Variants in WWOX observed in about 807,000 individuals in gnomAD.
WWOX encodes the protein WW domain-containing oxidoreductase.
Under a neutral mutation model 46.2 loss-of-function variants are expected in WWOX, and 69 were observed. That is an observed-to-expected ratio of 1.49 (90% CI 1.23 to 1.82). The LOEUF (loss-of-function observed/expected upper bound fraction) is 1.82. Among genes scored for constraint, WWOX ranks in the 40% most tolerant of loss-of-function variants. WWOX has a pLI of 0.00. For missense variants in WWOX, 919 were observed against 542.6 expected (o/e 1.69, Z -6.89); for synonymous variants, 359 against 202.6 (o/e 1.77, Z -6.56).
intron 8 of WWOX, among the ~76,000 whole-genome samples, chr16:78,905,049 C>A (rs2044926497): frequency 1.3e-5 from 2 of 152,124 alleles, no homozygotes; most frequent in Admixed American, 1.3e-4. Flanking sequence ...TTCATGCTTT[C>A]AGCTAGAAAT....
At chr16:79,144,796 T>C (rs2050154276) in intron 8 of WWOX, among the ~76,000 whole-genome samples, 1 of 152,184 alleles carries the variant, frequency 6.6e-6, no homozygotes, top group African/African-American at 2.4e-5. Flanking sequence ...TTACTTACAA[T>C]ATGATATTTT....
intron 8 of WWOX, among the ~76,000 whole-genome samples, chr16:79,178,919 T>A (rs1185781027): frequency 6.6e-6 from 1 of 152,240 alleles, no homozygotes; most frequent in Non-Finnish European, 1.5e-5. Flanking sequence ...GTTAGAAGAC[T>A]GAGTATTATA....
At chr16:78,427,547 C>A (rs375090633) in intron 7 of WWOX, among the ~76,000 whole-genome samples, 152 of 152,124 alleles carry the variant, frequency 1.0e-3, no homozygotes, top group African/African-American at 3.4e-3. Flanking sequence ...CGCACGCACA[C>A]ACACACACAC....
At chr16:78,693,706 C>A (rs1487566422) in intron 8 of WWOX, among the ~76,000 whole-genome samples, 1 of 152,076 alleles carries the variant, frequency 6.6e-6, no homozygotes, top group Non-Finnish European at 1.5e-5. Flanking sequence ...TGCTACTAAT[C>A]GCCCTCTATT....
chr16:79,102,130 A>G (rs2150633461), intron 8 of WWOX, among the ~76,000 whole-genome samples: 1 of 151,338 alleles, frequency 6.6e-6, no homozygotes, highest in South Asian at 2.1e-4. Flanking sequence ...CGGAAGCAAA[A>G]CAATGTACTG....
At chr16:78,726,939 G>A (rs1360325543) in intron 8 of WWOX, among the ~76,000 whole-genome samples, 2 of 152,132 alleles carry the variant, frequency 1.3e-5, no homozygotes. Flanking sequence ...AGGGCTGTCT[G>A]CACAGTGCTG....
In WWOX at chr16:78,424,922, C is replaced by A. The variant is rs770774574; in HGVS notation, c.658C>A (p.Leu220Ile). 6.2e-7 allele frequency: 1 copy of A among 1,614,174 alleles called. No homozygotes were observed. Among genetic ancestry groups the A allele is most frequent in the East Asian group, 2.2e-5 (1 of 44,868 alleles). The change falls in exon 7 of 9, where the codon CTC becomes ATC. Residue 220 changes from leucine (L) to isoleucine (I), a missense_variant. By Grantham distance (5) the Leu-to-Ile change is conservative (BLOSUM62 2). Transcript: ENST00000566780. ...AGCAACTTTTGCTCTACCCTGGAGT[C>A]TCACCAAAGATGGCCTGGAGACCAC... ...NAATFALPWS[L>I]TKDGLETTFQ... is the part of the protein sequence containing the mutation.
chr16:78,963,245 G>A (rs542249196), intron 8 of WWOX, among the ~76,000 whole-genome samples: 1 of 152,270 alleles, frequency 6.6e-6, no homozygotes, highest in East Asian at 1.9e-4. Context: ...GAGGTGAGAG[G>A]ATTCCTTGAG....
intron 5 of WWOX, chr16:78,264,487 G>C (rs1315664438): frequency 6.6e-6 from 1 of 152,190 alleles, no homozygotes; most frequent in East Asian, 1.9e-4. Flanking sequence ...AGAAATTCCT[G>C]CAGATCATCA....
At chr16:78,480,510 T>C (rs140532130) in intron 8 of WWOX, among the ~76,000 whole-genome samples, 2 of 152,372 alleles carry the variant, frequency 1.3e-5, no homozygotes, top group African/African-American at 4.8e-5. Context: ...TTGTCCATAT[T>C]TCACAGATGA....
At chr16:78,791,937 C>T (rs929456063) in intron 8 of WWOX, among the ~76,000 whole-genome samples, 5 of 151,962 alleles carry the variant, frequency 3.3e-5, no homozygotes, top group Admixed American at 2.6e-4. Context: ...ATAGAAGAGG[C>T]CTTCTCTTCA....
At chr16:78,498,062 G>C (rs1443474649) in intron 8 of WWOX, among the ~76,000 whole-genome samples, 1 of 151,884 alleles carries the variant, frequency 6.6e-6, no homozygotes, top group African/African-American at 2.4e-5. Flanking sequence ...GAAATTAGCT[G>C]TGCGTGGTGG....
chr16:78,316,594 C>T (rs371620761), intron 5 of WWOX, among the ~76,000 whole-genome samples: 7 of 152,138 alleles, frequency 4.6e-5, no homozygotes, highest in South Asian at 2.1e-4. Flanking sequence ...CTGCCCGTCT[C>T]GGCCTCCCAA....
At chr16:78,705,886 A>C (rs1201985856) in intron 8 of WWOX, among the ~76,000 whole-genome samples, 3 of 152,152 alleles carry the variant, frequency 2.0e-5, no homozygotes, top group African/African-American at 7.2e-5. Context: ...ATCTTGAGTA[A>C]GGAATATGAC....
chr16:78,153,511 T>C lies in WWOX; in HGVS notation c.410-10672T>C, dbSNP rs190273638. ...GCCTATCTTCTTGCTTTATGCATAATGGCAGATCTCCAGGGAGGGAGAGGA... is the reference window on the plus strand; with the variant it reads ...GCCTATCTTCTTGCTTTATGCATAACGGCAGATCTCCAGGGAGGGAGAGGA... On this transcript the variant is annotated intron_variant, in intron 4 of 8. Transcript: ENST00000566780. 7.2e-5 allele frequency among the ~76,000 whole-genome samples: 11 copies of C among 152,214 alleles called. No individual in the cohort carries two copies. In the East Asian group the frequency reaches 1.9e-3, roughly 27 times the overall value.
chr16:78,749,189 C>A (rs576774149), intron 8 of WWOX, among the ~76,000 whole-genome samples: 1 of 152,152 alleles, frequency 6.6e-6, no homozygotes, highest in Non-Finnish European at 1.5e-5. Flanking sequence ...CATGGGGTGA[C>A]CTGTGTGCCA....
chr16:78,425,042 T>A lies in WWOX; in HGVS notation c.778T>A (p.Ser260Thr). The part of the protein sequence containing the change: ...SAPARVIVVS[S>T]ESHRFTDIND... ...TCCTGCCCGTGTCATTGTGGTCTCC[T>A]CAGAGTCCCATCGGTGGGTTTGAAT... The change falls in exon 7 of 9, where the codon TCA becomes ACA. Residue 260 changes from serine (S) to threonine (T), a missense_variant. Coordinates refer to ENST00000566780, the MANE Select transcript of WWOX (RefSeq NM_016373.4). 6.2e-7 allele frequency: 1 copy of A among 1,613,892 alleles called. No homozygotes were observed.
chr16:78,149,375 G>A (rs1411868129), intron 4 of WWOX, among the ~76,000 whole-genome samples: 1 of 152,198 alleles, frequency 6.6e-6, no homozygotes, highest in African/African-American at 2.4e-5. Flanking sequence ...GTGGACTGGT[G>A]ATCCCATCTC....
intron 8 of WWOX, chr16:78,873,471 T>C (rs997331406): frequency 4.6e-5 from 7 of 152,190 alleles, no homozygotes; most frequent in African/African-American, 9.7e-5. Flanking sequence ...GCTTAGTCTT[T>C]GGGAGATATC....
Sources: allele counts gnomAD v4.1 joint callset (sites outside exome capture counted in the v4.1 genomes callset), GRCh38; gene constraint gnomAD v4.1.1; transcripts MANE v1.5; gene names NCBI Gene and HGNC (gene_info 2026-07-23, HGNC 2026-07-21).